TAF1: variants seen among roughly 807,000 people sequenced by gnomAD.
The protein encoded by TAF1 is TATA-box binding protein associated factor 1, also known as transcription initiation factor TFIID subunit 1.
A neutral mutation model predicts 138.5 loss-of-function variants in TAF1; 2 were observed. The observed-to-expected ratio is 0.01, with a 90% CI of 0.01 to 0.05. TAF1 has a LOEUF of 0.05. Among genes scored for constraint, TAF1 ranks in the 10% least tolerant of loss-of-function variants. The pLI is 1.00. For missense variants in TAF1, 709 were observed against 1,478.0 expected (o/e 0.48, Z 8.53); for synonymous variants, 437 against 503.2 (o/e 0.87, Z 1.76).
At chrX:71,442,554 G>C (rs1187750245) in intron 32 of TAF1, among the ~76,000 whole-genome samples, 1 of 111,974 alleles carries the variant, frequency 8.9e-6, no homozygotes, top group Non-Finnish European at 1.9e-5. Flanking sequence ...GTAGATTCTG[G>C]ATATTAGCTC....
chrX:71,475,440 C>G (rs749815741), intron 13 of TAF1, among the ~76,000 whole-genome samples: 1 of 109,165 alleles, frequency 9.2e-6, no homozygotes, highest in South Asian at 4.0e-4. Flanking sequence ...AAAAAATTAG[C>G]CAGGCATGGT....
At chrX:71,511,222 G>A (rs2039726033) in intron 13 of TAF1, among the ~76,000 whole-genome samples, 1 of 112,356 alleles carries the variant, frequency 8.9e-6, no homozygotes, top group Non-Finnish European at 1.9e-5. Flanking sequence ...ATACCATGAG[G>A]ATGATATCTG....
chrX:71,440,513 TC>T (rs1187990069), intron 32 of TAF1, among the ~76,000 whole-genome samples: 1 of 109,764 alleles, frequency 9.1e-6, no homozygotes, highest in African/African-American at 3.3e-5. Context: ...TTTTTTTTTT[TC>T]CACATCAGAT....
rs1304567577 is a variant in TAF1 at position 71,453,985 on chromosome X, A to C, written c.4754-185A>C. On this transcript the variant is annotated intron_variant, in intron 32 of 37. Transcript: ENST00000423759. ...CTGGCTAGTGAGTACATGGGAGTCC[A>C]TTATGTTAGTGTTGTATTGCATATG... Among the ~76,000 whole-genome samples the C allele has an allele frequency of 5.4e-5, 6 of 111,989 alleles. No homozygotes were observed. The East Asian group carries it at 1.7e-3, about 31-fold the overall frequency.
At chrX:71,418,990 C>T (rs2036183697) in intron 28 of TAF1, among the ~76,000 whole-genome samples, 1 of 110,985 alleles carries the variant, frequency 9.0e-6, no homozygotes, top group Non-Finnish European at 1.9e-5. Flanking sequence ...TGGTCTTGAG[C>T]TCCCAACCTC....
At chrX:71,379,105 ATTTTTTT>A (rs916740866) in intron 8 of TAF1, 74 bp downstream of exon 8, 34 of 485,874 alleles carry the variant, frequency 7.0e-5, no homozygotes, top group Admixed American at 1.2e-4. Flanking sequence ...CTCAGCTGTG[ATTTTTTT>A]TTTTTTTTTT....
intron 14 of TAF1, among the ~76,000 whole-genome samples, chrX:71,386,398 C>G (rs1304625097): frequency 9.0e-6 from 1 of 111,535 alleles, no homozygotes; most frequent in African/African-American, 3.3e-5. Context: ...GTCCTACTGT[C>G]TTGTGTTTTC....
intron 13 of TAF1, among the ~76,000 whole-genome samples, chrX:71,501,030 T>C (rs1457836026): frequency 1.0e-5 from 1 of 98,305 alleles, no homozygotes; most frequent in Non-Finnish European, 2.0e-5. Flanking sequence ...GCCATTGCAC[T>C]CAAGCCTGGG....
intron 32 of TAF1, among the ~76,000 whole-genome samples, chrX:71,446,407 T>G (rs2037699606): frequency 8.9e-6 from 1 of 111,788 alleles, no homozygotes; most frequent in Admixed American, 9.5e-5. Flanking sequence ...CCTGTAAAAT[T>G]AGAGTATATA....
rs541875903 is a variant in TAF1 at position 71,473,683 on chromosome X, C to T, written c.1366+12880C>T. 6.4e-5 allele frequency among the ~76,000 whole-genome samples: 7 copies of T among 109,076 alleles called. No homozygotes were observed. In the South Asian group the frequency reaches 2.5e-3, roughly 38 times the overall value. The allele number at this position is 109,076 out of a possible 115,157, so 94.7% of individuals were successfully genotyped here. On this transcript the variant is annotated intron_variant and NMD_transcript_variant, in intron 13 of 14. Transcript: ENST00000373775. ...CCAGCCTGGGCAACAGAGCATGATACCCCCGACTCTTAAAAACAACAATAA... is the reference window on the plus strand; with the variant it reads ...CCAGCCTGGGCAACAGAGCATGATATCCCCGACTCTTAAAAACAACAATAA...
chrX:71,491,468 G>A (rs2039283126), intron 13 of TAF1, among the ~76,000 whole-genome samples: 1 of 110,545 alleles, frequency 9.0e-6, no homozygotes, highest in Non-Finnish European at 1.9e-5. Flanking sequence ...TTGTGAAGGT[G>A]GCAGCACCTC....
At chrX:71,421,903 A>G (rs950741697) in intron 29 of TAF1, among the ~76,000 whole-genome samples, 2 of 112,405 alleles carry the variant, frequency 1.8e-5, no homozygotes, top group Non-Finnish European at 3.8e-5. Context: ...GCCAGTAAAC[A>G]CGGAAAGATT....
intron 25 of TAF1, among the ~76,000 whole-genome samples, chrX:71,405,211 G>A (rs1420199139): frequency 1.8e-5 from 2 of 110,712 alleles, no homozygotes; most frequent in African/African-American, 3.3e-5. Flanking sequence ...CACCTGCCTC[G>A]GCCTCCCAAA....
At chrX:71,406,875 A>T in intron 26 of TAF1, 129 bp downstream of exon 26, 1 of 428,256 alleles carries the variant, frequency 2.3e-6, no homozygotes, top group East Asian at 4.4e-5. Context: ...ACTGTTCATT[A>T]TAAGATTTCT....
intron 22 of TAF1, 134 bp downstream of exon 22, chrX:71,394,379 A>G (rs2034732840): frequency 2.4e-6 from 2 of 837,280 alleles, no homozygotes; most frequent in Non-Finnish European, 3.3e-6. Context: ...TCTGTGAATG[A>G]AGTAGAAAGC....
chrX:71,525,848 A>G (rs1401912441), intron 13 of TAF1, among the ~76,000 whole-genome samples: 1 of 99,041 alleles, frequency 1.0e-5, no homozygotes, highest in South Asian at 4.6e-4. Flanking sequence ...TTTTTTTTGT[A>G]GAGATGGGGT....
At chrX:71,473,063 C>A (rs752277014) in intron 13 of TAF1, among the ~76,000 whole-genome samples, 17 of 111,968 alleles carry the variant, frequency 1.5e-4, no homozygotes, top group African/African-American at 5.2e-4. Context: ...AACATTCCAG[C>A]ACTTAGTACA....
intron 29 of TAF1, 73 bp from the exon 30 acceptor site, chrX:71,423,044 T>A: frequency 1.7e-6 from 2 of 1,181,736 alleles, no homozygotes. Context: ...GCCCGGCAAA[T>A]TGTCCTTAAC....
chrX:71,503,328 GTATA>G (rs758040656), intron 13 of TAF1, among the ~76,000 whole-genome samples: 4 of 88,814 alleles, frequency 4.5e-5, no homozygotes, highest in African/African-American at 1.9e-4. Flanking sequence ...ATATGTGTGT[GTATA>G]TATATATATA....
Sources: gnomAD v4.1 joint callset for allele counts (sites outside exome capture counted in the v4.1 genomes callset) on GRCh38, gnomAD v4.1.1 for gene constraint, MANE v1.5 for transcripts, NCBI Gene and HGNC (gene_info 2026-07-23, HGNC 2026-07-21) for gene names.